The following CSMD3 variants were observed in gnomAD, a reference collection of about 807,000 sequenced individuals.
The protein encoded by CSMD3 is CUB and sushi domain-containing protein 3.
Under a neutral mutation model 435.2 loss-of-function variants are expected in CSMD3, and 177 were observed. The observed-to-expected ratio is 0.41, with a 90% confidence interval of 0.36 to 0.46. The LOEUF is 0.46. CSMD3 is among the 20% of genes least tolerant of loss of function. The probability of loss-of-function intolerance (pLI) is 0.34; values close to 1 mark genes in which losing one functional copy is unlikely to be tolerated. For synonymous variants in CSMD3, 1,656 were observed against 1,520.5 expected (o/e 1.09, Z -2.07); for missense variants, 4,265 against 4,504.6 (o/e 0.95, Z 1.52).
At chr8:112,334,685 A>G (rs975859529) in intron 45 of CSMD3, among the ~76,000 whole-genome samples, 1 of 152,198 alleles carries the variant, frequency 6.6e-6, no homozygotes, top group African/African-American at 2.4e-5. Flanking sequence ...AAAATAAAGA[A>G]GAGAAACACC....
At chr8:112,320,565 G>T (rs1822897006) in intron 45 of CSMD3, among the ~76,000 whole-genome samples, 1 of 151,354 alleles carries the variant, frequency 6.6e-6, no homozygotes, top group Admixed American at 6.6e-5. Context: ...ATGTATACAT[G>T]TGCCATGTTG....
chr8:112,866,884 T>A (rs998374667), intron 10 of CSMD3, among the ~76,000 whole-genome samples: 1 of 152,200 alleles, frequency 6.6e-6, no homozygotes, highest in Non-Finnish European at 1.5e-5. Context: ...TTAGATATTC[T>A]AATAAGATGT....
chr8:113,105,382 G>C (rs907606452), intron 4 of CSMD3, among the ~76,000 whole-genome samples: 5 of 152,094 alleles, frequency 3.3e-5, no homozygotes, highest in African/African-American at 1.2e-4. Flanking sequence ...TCAGTACATA[G>C]AATTCAGGAA....
rs1256050284 is a variant in CSMD3 at position 112,506,791 on chromosome 8, T to C, written c.4795A>G (p.Ile1599Val). 4 of 1,613,682 alleles carry C rather than the reference T, an allele frequency of 2.5e-6. No homozygotes were observed. Among genetic ancestry groups the C allele is most frequent in the East Asian group, 2.2e-5 (1 of 44,844 alleles). The change falls in exon 29 of 71, where the codon ATT (isoleucine) becomes GTT (valine). Residue 1599 changes from isoleucine to valine, a missense_variant. Ile to Val is a conservative substitution (Grantham distance 29). Transcript: ENST00000297405. The part of the protein sequence containing the change: ...GGNLTGSSGF[I>V]LSPNFPHPYP... ...GGATGAGGGAAGTTTGGTGAAAGAA[T>C]AAAGCCTGAAGATCCTGTTAAATTG...
chr8:113,127,757 A>T (rs527643730), intron 4 of CSMD3, among the ~76,000 whole-genome samples: 3 of 152,166 alleles, frequency 2.0e-5, no homozygotes, highest in African/African-American at 7.2e-5. Context: ...CCCCTCCTAT[A>T]ATGCTTCAAA....
intron 3 of CSMD3, among the ~76,000 whole-genome samples, chr8:113,223,393 A>G (rs191670813): frequency 1.3e-5 from 2 of 150,558 alleles, no homozygotes; most frequent in East Asian, 3.9e-4. Context: ...ACTTTTTGAA[A>G]TTCTTCGTTT....
chr8:113,433,710 A>G (rs2094688969), intron 1 of CSMD3, among the ~76,000 whole-genome samples: 1 of 152,168 alleles, frequency 6.6e-6, no homozygotes, highest in Non-Finnish European at 1.5e-5. Context: ...TTCCCCTGGG[A>G]TCCACTGACA....
intron 4 of CSMD3, among the ~76,000 whole-genome samples, chr8:113,151,731 G>A (rs2091810744): frequency 6.6e-6 from 1 of 151,922 alleles, no homozygotes; most frequent in African/African-American, 2.4e-5. Flanking sequence ...TTGATGTAGT[G>A]AGACTACCTA....
intron 66 of CSMD3, among the ~76,000 whole-genome samples, chr8:112,238,538 C>A (rs994254777): frequency 6.6e-6 from 1 of 151,922 alleles, no homozygotes; most frequent in African/African-American, 2.4e-5. Flanking sequence ...ATACCACTGC[C>A]AACTTCCATT....
intron 2 of CSMD3, chr8:113,314,218 C>G (rs2093892451): frequency 5.1e-6 from 1 of 196,932 alleles, no homozygotes; most frequent in Non-Finnish European, 1.0e-5. Flanking sequence ...GACATATTAT[C>G]ACTGAAATAT....
At chr8:112,788,678 A>T (rs1160196874) in intron 13 of CSMD3, among the ~76,000 whole-genome samples, 1 of 152,138 alleles carries the variant, frequency 6.6e-6, no homozygotes, top group Admixed American at 6.6e-5. Context: ...AATGCCTGGC[A>T]CATAGAGGAA....
intron 1 of CSMD3, among the ~76,000 whole-genome samples, chr8:113,316,912 G>C (rs2093914925): frequency 6.6e-6 from 1 of 152,058 alleles, no homozygotes; most frequent in African/African-American, 2.4e-5. Flanking sequence ...TGTGGCTCAG[G>C]GCTTGGTTGA....
chr8:112,842,353 C>T (rs2080201706), intron 11 of CSMD3, among the ~76,000 whole-genome samples: 2 of 151,794 alleles, frequency 1.3e-5, no homozygotes, highest in South Asian at 4.1e-4. Flanking sequence ...TGACTAATAT[C>T]AGCAGGGAGT....
At chr8:113,035,092 A>G (rs922204820) in intron 5 of CSMD3, among the ~76,000 whole-genome samples, 12 of 152,024 alleles carry the variant, frequency 7.9e-5, no homozygotes, top group African/African-American at 2.9e-4. Flanking sequence ...AAAACAATCT[A>G]TGCAGGAGTA....
intron 22 of CSMD3, among the ~76,000 whole-genome samples, chr8:112,607,009 T>TA (rs541001129): frequency 2.1e-3 from 267 of 127,592 alleles, no homozygotes; most frequent in African/African-American, 7.4e-3. Context: ...AGCTCAAAGT[T>TA]AGTGAAAGGA....
chr8:112,493,738 T>C (rs1820934088), intron 30 of CSMD3, among the ~76,000 whole-genome samples: 1 of 152,162 alleles, frequency 6.6e-6, no homozygotes. Flanking sequence ...AATGGAAAGA[T>C]TAGCTCATTC....
intron 19 of CSMD3, among the ~76,000 whole-genome samples, chr8:112,646,495 A>G (rs569567983): frequency 6.6e-6 from 1 of 152,280 alleles, no homozygotes; most frequent in South Asian, 2.1e-4. Context: ...CAAGTATCCT[A>G]CTTCTTGAGA....
intron 9 of CSMD3, among the ~76,000 whole-genome samples, chr8:112,937,498 C>T (rs1443493202): frequency 6.6e-6 from 1 of 151,600 alleles, no homozygotes; most frequent in African/African-American, 2.4e-5. Context: ...TTACAGGTGC[C>T]CACCACCACT....
chr8:113,362,382 G>A (rs570108713), intron 1 of CSMD3, among the ~76,000 whole-genome samples: 19 of 152,110 alleles, frequency 1.2e-4, no homozygotes, highest in Admixed American at 8.5e-4. Flanking sequence ...GAACCTCCAA[G>A]ATCAAAAGTA....
Sources: gnomAD v4.1 joint callset for allele counts (sites outside exome capture counted in the v4.1 genomes callset) on GRCh38, gnomAD v4.1.1 for gene constraint, MANE v1.5 for transcripts, NCBI Gene and HGNC (gene_info 2026-07-23, HGNC 2026-07-21) for gene names.